CYP11A1: variants seen among roughly 807,000 people sequenced by gnomAD.
CYP11A1 encodes the protein cholesterol side-chain cleavage enzyme, mitochondrial.
In CYP11A1, 25 loss-of-function variants were observed where a neutral mutation model predicts 51.9. The ratio of observed to expected loss-of-function variants is 0.48; its 90% confidence interval spans 0.35 to 0.67. CYP11A1 has a LOEUF of 0.67. Ranked by LOEUF, CYP11A1 falls within the 30% of genes least tolerant of loss-of-function variation. The pLI is 0.00. For synonymous variants in CYP11A1, 245 were observed against 262.1 expected (o/e 0.93, Z 0.63); for missense variants, 578 against 680.9 (o/e 0.85, Z 1.68).
intron 1 of CYP11A1, among the ~76,000 whole-genome samples, chr15:74,354,063 T>C (rs2060666753): frequency 1.3e-5 from 2 of 152,248 alleles, no homozygotes. Flanking sequence ...TTGTAAACTA[T>C]TTATGAATAT....
In CYP11A1 at chr15:74,345,371, C is replaced by T; in HGVS notation, c.426-128G>A. 1.1e-6 allele frequency: 1 copy of T among 949,274 alleles called. No individual in the cohort carries two copies. Among genetic ancestry groups the T allele is most frequent in the Non-Finnish European group, 1.7e-6 (1 of 601,360 alleles). 58.8% of individuals were successfully genotyped at this position (949,274 alleles called of 1,614,324 possible). A position where few individuals can be genotyped will look rare whatever the true frequency, so the allele number is the denominator to read the frequency against. ...ACAGCATCCAGCACTCCCACCAGGG[C>T]CTCTGCCCTCACCTCTCCGAGCACC... is the stretch of plus-strand genomic sequence containing the variant. On this transcript the variant is annotated intron_variant, in intron 2 of 8. Transcript: ENST00000268053. The surrounding 1 kb of genome is among the most constrained non-coding windows in gnomAD (Gnocchi z 4.3).
At chr15:74,347,831 C>G (rs541286517) in intron 2 of CYP11A1, 69 bp downstream of exon 2, 9 of 1,568,874 alleles carry the variant, frequency 5.7e-6, no homozygotes, top group Non-Finnish European at 7.8e-6. Context: ...CCCCTCACCC[C>G]CAGCCTCTGC....
intron 1 of CYP11A1, chr15:74,366,277 ATTTTT>A (rs759681873): frequency 3.1e-4 from 238 of 777,202 alleles, no homozygotes; most frequent in Middle Eastern, 1.4e-3. Flanking sequence ...CCCTCCCCCG[ATTTTT>A]TTTTTTTTTT....
rs1420326199 is a variant in CYP11A1, at chr15:74,351,309, G to A, written c.270-3254C>T. Among the ~76,000 whole-genome samples, 5 of 152,178 alleles carry A rather than the reference G, an allele frequency of 3.3e-5. No individual in the cohort carries two copies. In the East Asian group the frequency reaches 5.8e-4, roughly 18 times the overall value. On this transcript the variant is annotated intron_variant, in intron 1 of 8. Transcript: ENST00000268053. ...GGGAATAATTGCGCTGCCCCAAAGC[G>A]GGAGGGACTTTTTTTAAAAATCTTT...
chr15:74,339,686 C>G lies in CYP11A1; in HGVS notation c.1058G>C (p.Arg353Pro), dbSNP rs202246326. 1 of 1,614,092 alleles carries G rather than the reference C, an allele frequency of 6.2e-7. No homozygotes were observed. Among genetic ancestry groups the G allele is most frequent in the Non-Finnish European group, 8.5e-7 (1 of 1,180,026 alleles). ...GTGCCGCGCAGCCAAGACCTCTGCC[C>G]GCAGCATATCCTGCACCTTCAGGTT... ...ARNLKVQDMLRAEVLAARHQA... is the reference protein window; with the variant it reads ...ARNLKVQDMLPAEVLAARHQA... Residue 353 changes from arginine to proline, a missense_variant, in exon 6 of 9, where the codon CGG becomes CCG. Transcript: ENST00000268053.
intron 1 of CYP11A1, among the ~76,000 whole-genome samples, chr15:74,359,237 C>T (rs1478602344): frequency 1.3e-5 from 2 of 152,206 alleles, no homozygotes; most frequent in African/African-American, 2.4e-5. Flanking sequence ...ATCTCTCCCA[C>T]TCTAGGTTCC....
chr15:74,366,427 AC>A (rs1449025203), intron 1 of CYP11A1, among the ~76,000 whole-genome samples: 5 of 134,814 alleles, frequency 3.7e-5, no homozygotes, highest in South Asian at 2.4e-4. Context: ...GGGATTATAG[AC>A]CCCCGCCACC....
chr15:74,363,549 T>C (rs1567058127), intron 1 of CYP11A1: 1 of 152,240 alleles, frequency 6.6e-6, no homozygotes, highest in Non-Finnish European at 1.5e-5. Context: ...GTTTGGTTTA[T>C]GGGGACCTTG....
intron 1 of CYP11A1, chr15:74,362,628 T>C (rs1263960946): frequency 6.6e-6 from 1 of 152,132 alleles, no homozygotes; most frequent in Admixed American, 6.5e-5. Context: ...ATGCTTAAGG[T>C]AAAACTAACT....
intron 2 of CYP11A1, among the ~76,000 whole-genome samples, chr15:74,346,218 T>C (rs895124878): frequency 2.6e-5 from 4 of 151,854 alleles, no homozygotes; most frequent in African/African-American, 9.7e-5. Context: ...CTGGGCATGG[T>C]GGCGGGCATC....
intron 1 of CYP11A1, among the ~76,000 whole-genome samples, chr15:74,358,664 G>A (rs893204348): frequency 3.2e-4 from 49 of 152,226 alleles, no homozygotes; most frequent in African/African-American, 1.1e-3. Context: ...AGGTAGACAC[G>A]TTCACCGGTT....
At chr15:74,351,219 T>C (rs144789250) in intron 1 of CYP11A1, among the ~76,000 whole-genome samples, 88 of 152,306 alleles carry the variant, frequency 5.8e-4, no homozygotes, top group African/African-American at 2.0e-3. Context: ...AGCGGCTGTT[T>C]CCTAGTAGCT....
At chr15:74,346,687 C>A (rs754919726) in intron 2 of CYP11A1, among the ~76,000 whole-genome samples, 6 of 152,156 alleles carry the variant, frequency 3.9e-5, no homozygotes, top group African/African-American at 9.7e-5. Context: ...AAATGTCCAA[C>A]CATTTTCCAA....
chr15:74,365,362 T>C (rs1335623690), intron 1 of CYP11A1: 1 of 150,776 alleles, frequency 6.6e-6, no homozygotes, highest in East Asian at 1.9e-4. Context: ...AGCCCGATTC[T>C]TGGGAAAGGG....
rs758061011 is a variant in CYP11A1 at position 74,338,591 on chromosome 15, T to C, written c.1414A>G (p.Met472Val). 2 of 1,614,062 alleles carry C rather than the reference T, an allele frequency of 1.2e-6. No homozygotes were observed. The highest frequency in any genetic ancestry group is 1.1e-5 in the South Asian group (1 of 91,086). ...CLGRRIAELE[M>V]TIFLINMLEN... ...CTCACATTGATGAGGAAGATGGTCATCTCTAGCTCAGCGATCCGCCGTCCC... is the reference window on the plus strand; with the variant it reads ...CTCACATTGATGAGGAAGATGGTCACCTCTAGCTCAGCGATCCGCCGTCCC... Residue 472 changes from methionine to valine, a missense_variant, in exon 8 of 9, where the codon ATG becomes GTG. By Grantham distance (21) the Met-to-Val change is conservative (BLOSUM62 1). Coordinates refer to ENST00000268053, the MANE Select transcript of CYP11A1 (RefSeq NM_000781.3).
intron 1 of CYP11A1, 62 bp from the exon 2 acceptor site, chr15:74,348,117 A>G: frequency 6.3e-7 from 1 of 1,577,492 alleles, no homozygotes; most frequent in Non-Finnish European, 8.6e-7. Context: ...ATACAGGCTC[A>G]GCACAGCTGC....
chr15:74,360,668 C>T (rs531392599), intron 1 of CYP11A1, among the ~76,000 whole-genome samples: 18 of 151,502 alleles, frequency 1.2e-4, no homozygotes, highest in Non-Finnish European at 1.6e-4. Flanking sequence ...TTGGGGAGGC[C>T]GAGGCAGGTG....
intron 1 of CYP11A1, among the ~76,000 whole-genome samples, chr15:74,357,296 C>G (rs2060684651): frequency 6.6e-6 from 1 of 152,226 alleles, no homozygotes; most frequent in Non-Finnish European, 1.5e-5. Context: ...TGCTGCAAGT[C>G]TTCACGGACA....
chr15:74,365,635 T>C, intron 1 of CYP11A1: 1 of 973,000 alleles, frequency 1.0e-6, no homozygotes, highest in Non-Finnish European at 1.2e-6. Flanking sequence ...CTAGGAATAC[T>C]TTCCCTTTTA....
Sources: gnomAD v4.1 joint callset for allele counts (sites outside exome capture counted in the v4.1 genomes callset) on GRCh38, gnomAD v4.1.1 for gene constraint, Gnocchi (gnomAD v3.1) non-coding constraint, MANE v1.5 for transcripts, NCBI Gene and HGNC (gene_info 2026-07-23, HGNC 2026-07-21) for gene names.